The following SPOCK1 variants were observed in gnomAD, a reference collection of about 807,000 sequenced individuals.
SPOCK1 encodes the protein testican-1.
A neutral mutation model predicts 55.3 loss-of-function variants in SPOCK1; 23 were observed. That is an observed-to-expected ratio of 0.42 (90% CI 0.30 to 0.59). SPOCK1 has a LOEUF of 0.59. SPOCK1 is among the 20% of genes least tolerant of loss of function. The pLI is 0.22. For synonymous variants in SPOCK1, 226 were observed against 221.0 expected (o/e 1.02, Z -0.20); for missense variants, 499 against 552.5 (o/e 0.90, Z 0.97).
chr5:137,008,321 C>G (rs1423335924), intron 6 of SPOCK1, among the ~76,000 whole-genome samples: 2 of 151,792 alleles, frequency 1.3e-5, no homozygotes, highest in Admixed American at 1.3e-4. Context: ...CACACACACA[C>G]ACACACACAA....
chr5:137,231,028 A>G (rs1253106106), intron 3 of SPOCK1, among the ~76,000 whole-genome samples: 4 of 147,752 alleles, frequency 2.7e-5, no homozygotes, highest in Non-Finnish European at 6.0e-5. Flanking sequence ...CATCACCACA[A>G]GGATCCCTGG....
rs1449870883 is a variant in SPOCK1 at position 136,983,045 on chromosome 5, T to C, written c.991+2095A>G. ...ACAGGGTAGGTGTGTTTCTTGATAGTGTGCATCTTCTATGGAAGAATTCTT... is the reference window on the plus strand; with the variant it reads ...ACAGGGTAGGTGTGTTTCTTGATAGCGTGCATCTTCTATGGAAGAATTCTT... On this transcript the variant is annotated intron_variant, in intron 9 of 10. Transcript: ENST00000394945. 2.0e-5 allele frequency among the ~76,000 whole-genome samples: 3 copies of C among 152,220 alleles called. No individual in the cohort carries two copies. In the East Asian group the frequency reaches 5.8e-4, roughly 29 times the overall value.
At chr5:137,137,220 G>A (rs1008960008) in intron 4 of SPOCK1, among the ~76,000 whole-genome samples, 5 of 152,198 alleles carry the variant, frequency 3.3e-5, no homozygotes, top group African/African-American at 1.2e-4. Flanking sequence ...ATGACTGTCT[G>A]GCAGGTGAGA....
chr5:137,071,102 A>G (rs1024543893), intron 5 of SPOCK1, among the ~76,000 whole-genome samples: 9 of 150,474 alleles, frequency 6.0e-5, no homozygotes, highest in African/African-American at 2.2e-4. Context: ...AGCTCACTGC[A>G]GTCTTGAACT....
intron 4 of SPOCK1, among the ~76,000 whole-genome samples, chr5:137,126,305 C>T (rs1373509055): frequency 6.6e-6 from 1 of 152,214 alleles, no homozygotes; most frequent in Admixed American, 6.5e-5. Context: ...GAAGCAGATG[C>T]TGCACCATGC....
At chr5:137,000,514 C>A (rs956924734) in intron 6 of SPOCK1, among the ~76,000 whole-genome samples, 3 of 152,136 alleles carry the variant, frequency 2.0e-5, no homozygotes, top group Non-Finnish European at 2.9e-5. Context: ...CAACAGGGAC[C>A]ATGTCCCTCC....
At chr5:137,164,884 C>T (rs1463968235) in intron 3 of SPOCK1, among the ~76,000 whole-genome samples, 1 of 152,168 alleles carries the variant, frequency 6.6e-6, no homozygotes, top group Non-Finnish European at 1.5e-5. Flanking sequence ...GGTCTGACTG[C>T]CAACTCAGAT....
chr5:137,074,480 C>A (rs1752687051), intron 5 of SPOCK1, among the ~76,000 whole-genome samples: 1 of 152,030 alleles, frequency 6.6e-6, no homozygotes, highest in Non-Finnish European at 1.5e-5. Flanking sequence ...CAAGAGTACA[C>A]AAATGTGCCA....
At chr5:137,491,919 T>C (rs1754188194) in intron 2 of SPOCK1, among the ~76,000 whole-genome samples, 1 of 152,202 alleles carries the variant, frequency 6.6e-6, no homozygotes, top group Non-Finnish European at 1.5e-5. Context: ...AACAGTGCTA[T>C]AGGAATTGTT....
chr5:137,320,363 A>G (rs1403763765), intron 2 of SPOCK1, among the ~76,000 whole-genome samples: 1 of 152,204 alleles, frequency 6.6e-6, no homozygotes, highest in African/African-American at 2.4e-5. Flanking sequence ...TTGTAGTATC[A>G]CACAGAGACA....
At chr5:137,200,734 G>C (rs1755411016) in intron 3 of SPOCK1, among the ~76,000 whole-genome samples, 1 of 152,068 alleles carries the variant, frequency 6.6e-6, no homozygotes, top group South Asian at 2.1e-4. Flanking sequence ...TGCCATGGTG[G>C]TTTGCTGCAC....
At chr5:136,979,937 C>G (rs1750697107) in intron 9 of SPOCK1, among the ~76,000 whole-genome samples, 1 of 152,180 alleles carries the variant, frequency 6.6e-6, no homozygotes, top group East Asian at 1.9e-4. Context: ...TAAAGTGACT[C>G]CGTGAAATTG....
At chr5:137,184,643 G>T (rs904881234) in intron 3 of SPOCK1, among the ~76,000 whole-genome samples, 5 of 152,090 alleles carry the variant, frequency 3.3e-5, no homozygotes, top group Admixed American at 3.3e-4. Context: ...AGAGAATATT[G>T]GGGCAGCCAC....
At chr5:137,096,600 T>C (rs1406114089) in intron 5 of SPOCK1, among the ~76,000 whole-genome samples, 1 of 152,216 alleles carries the variant, frequency 6.6e-6, no homozygotes, top group Non-Finnish European at 1.5e-5. Context: ...AGAGGCTGCT[T>C]GTGATACTTG....
chr5:137,451,508 A>ACT (rs1753255240), intron 2 of SPOCK1, among the ~76,000 whole-genome samples: 1 of 152,060 alleles, frequency 6.6e-6, no homozygotes, highest in South Asian at 2.1e-4. Flanking sequence ...GCATAAACAG[A>ACT]CTCTTGAAAT....
rs10692964 is a variant in SPOCK1 at position 137,024,314 on chromosome 5, A to AGGGG, written c.590-31718_590-31715dup. On this transcript the variant is annotated intron_variant, in intron 6 of 10. Coordinates refer to ENST00000394945, the MANE Select transcript of SPOCK1 (RefSeq NM_004598.4). ...TAAGCACTAAATTGCACCAGTTTGAAGGGGGGGGGGTAGTTACAACTGACT... is the reference window on the plus strand; with the variant it reads ...TAAGCACTAAATTGCACCAGTTTGAAGGGGGGGGGGGGGGTAGTTACAACTGACT... 2.9e-3 allele frequency among the ~76,000 whole-genome samples: 341 copies of AGGGG among 118,836 alleles called. 3 individuals carry two copies. Among genetic ancestry groups the AGGGG allele is most frequent in the African/African-American group, 4.6e-3 (145 of 31,408 alleles). The allele number at this position is 118,836 out of a possible 152,430, so 78.0% of individuals were successfully genotyped here.
chr5:137,427,783 G>A (rs1220278362), intron 2 of SPOCK1, among the ~76,000 whole-genome samples: 1 of 151,912 alleles, frequency 6.6e-6, no homozygotes, highest in African/African-American at 2.4e-5. Context: ...GTGGTGGGTG[G>A]CTGTAGTCCC....
At chr5:137,134,930 G>A (rs1225163728) in intron 4 of SPOCK1, among the ~76,000 whole-genome samples, 1 of 152,226 alleles carries the variant, frequency 6.6e-6, no homozygotes, top group African/African-American at 2.4e-5. Flanking sequence ...TCGGTCTACT[G>A]TATCGAGAGC....
chr5:137,140,674 G>T lies in SPOCK1; in HGVS notation c.253C>A (p.Pro85Thr). ...GGGCTGCATTTTACCTTCAGGCAGG[G>T]GTCCTTGGATGGGTCCAGGGCTGAG... Reference protein sequence around the residue: ...FDQALDPSKDPCLKVKCSPHK... With the variant: ...FDQALDPSKDTCLKVKCSPHK... The change falls in exon 4 of 11, where the codon CCC becomes ACC. Residue 85 changes from proline to threonine, a missense_variant. This residue lies in a region of SPOCK1 where 386 missense variants were observed against 400.6 expected (regional missense o/e 0.96). Coordinates refer to ENST00000394945, the MANE Select transcript of SPOCK1 (RefSeq NM_004598.4). The T allele has an allele frequency of 6.2e-7, 1 of 1,613,870 alleles. No homozygotes were observed. The highest frequency in any genetic ancestry group is 8.5e-7 in the Non-Finnish European group (1 of 1,179,948).
Sources: gnomAD v4.1 joint callset for allele counts (sites outside exome capture counted in the v4.1 genomes callset) on GRCh38, gnomAD v4.1.1 for gene constraint, gnomAD v4.1.1 regional missense constraint, MANE v1.5 for transcripts, NCBI Gene and HGNC (gene_info 2026-07-23, HGNC 2026-07-21) for gene names.